MMP26: variants seen among roughly 807,000 people sequenced by gnomAD.
MMP26 encodes matrix metalloproteinase-26.
A neutral mutation model predicts 31.0 loss-of-function variants in MMP26; 33 were observed. The observed-to-expected ratio is 1.06, with a 90% CI of 0.81 to 1.42. The LOEUF (loss-of-function observed/expected upper bound fraction) is 1.42, where lower values mean the gene tolerates loss of function less well. MMP26 is among the 40% of genes most tolerant of loss of function. The probability of loss-of-function intolerance (pLI) is 0.00; values close to 1 mark genes in which losing one functional copy is unlikely to be tolerated. For synonymous variants in MMP26, 122 were observed against 114.9 expected (o/e 1.06, Z -0.40); for missense variants, 347 against 316.1 (o/e 1.10, Z -0.74).
intron 1 of MMP26, chr11:4,753,040 A>G (rs968478925): frequency 2.6e-5 from 4 of 152,106 alleles, no homozygotes; most frequent in African/African-American, 9.7e-5. Context: ...GAATTTTTAA[A>G]TTATTTTAGT....
At chr11:4,734,563 A>G (rs909997294) in intron 1 of MMP26, among the ~76,000 whole-genome samples, 3 of 152,072 alleles carry the variant, frequency 2.0e-5, no homozygotes, top group Non-Finnish European at 4.4e-5. Flanking sequence ...TTCATCCCAC[A>G]GGTTTTGGTA....
intron 2 of MMP26, among the ~76,000 whole-genome samples, chr11:4,962,346 A>G (rs1429140235): frequency 1.3e-5 from 2 of 152,216 alleles, no homozygotes; most frequent in Admixed American, 6.5e-5. Context: ...CTCTCACAAC[A>G]TTACTTAGAA....
At chr11:4,978,834 A>G (rs1232502489) in intron 2 of MMP26, among the ~76,000 whole-genome samples, 1 of 152,092 alleles carries the variant, frequency 6.6e-6, no homozygotes, top group African/African-American at 2.4e-5. Context: ...CAGGTCATAA[A>G]TTAGGAATAA....
At chr11:4,731,749 C>T (rs1051182910) in intron 1 of MMP26, among the ~76,000 whole-genome samples, 3 of 152,144 alleles carry the variant, frequency 2.0e-5, no homozygotes, top group Non-Finnish European at 4.4e-5. Flanking sequence ...TGGCTATTTC[C>T]TGTCAATTCA....
At chr11:4,885,444 T>C (rs1468968829) in intron 2 of MMP26, among the ~76,000 whole-genome samples, 1 of 152,120 alleles carries the variant, frequency 6.6e-6, no homozygotes, top group Non-Finnish European at 1.5e-5. Flanking sequence ...CAAACACAAA[T>C]ACTTAACTGT....
chr11:4,881,096 AT>A (rs1850454844), intron 2 of MMP26, among the ~76,000 whole-genome samples: 1 of 152,158 alleles, frequency 6.6e-6, no homozygotes, highest in African/African-American at 2.4e-5. Context: ...TTAGCCAGCA[AT>A]GTTGAGAAAA....
At chr11:4,963,688 A>G (rs1238592376) in intron 2 of MMP26, among the ~76,000 whole-genome samples, 1 of 152,146 alleles carries the variant, frequency 6.6e-6, no homozygotes, top group Non-Finnish European at 1.5e-5. Flanking sequence ...TGAAAGATTG[A>G]TACACTGTCT....
intron 2 of MMP26, among the ~76,000 whole-genome samples, chr11:4,810,277 GAT>G (rs1849332584): frequency 1.3e-5 from 2 of 149,752 alleles, no homozygotes; most frequent in Non-Finnish European, 3.0e-5. Flanking sequence ...TAATTCAGGG[GAT>G]ATTTTGTACA....
intron 1 of MMP26, among the ~76,000 whole-genome samples, chr11:4,762,271 C>A (rs895085474): frequency 3.3e-5 from 5 of 152,052 alleles, no homozygotes; most frequent in African/African-American, 1.2e-4. Flanking sequence ...TCATTTTATC[C>A]AAATTTGTTT....
chr11:4,796,668 G>A (rs1157022008), intron 2 of MMP26, among the ~76,000 whole-genome samples: 1 of 152,148 alleles, frequency 6.6e-6, no homozygotes, highest in African/African-American at 2.4e-5. Context: ...TGAGAAGAGA[G>A]GAAATAGAGA....
chr11:4,977,372 G>A (rs554153971), intron 2 of MMP26, among the ~76,000 whole-genome samples: 2 of 152,222 alleles, frequency 1.3e-5, no homozygotes, highest in South Asian at 2.1e-4. Context: ...TCCCACTTCA[G>A]AATTGTCCTG....
At chr11:4,803,481 T>C in intron 2 of MMP26, 3 of 1,613,850 alleles carry the variant, frequency 1.9e-6, no homozygotes, top group Non-Finnish European at 2.5e-6. Context: ...CCCCGATCTG[T>C]TTGGTTCTAA....
chr11:4,711,968 G>C (rs1261598030), intron 1 of MMP26: 1 of 151,894 alleles, frequency 6.6e-6, no homozygotes, highest in African/African-American at 2.4e-5. Flanking sequence ...ATTCTTTCAG[G>C]TGCTGTTAAT....
chr11:4,914,539 A>G, intron 2 of MMP26: 1 of 538,476 alleles, frequency 1.9e-6, no homozygotes, highest in Non-Finnish European at 3.3e-6. Flanking sequence ...ATCATATTAC[A>G]TTTTACCCCC....
intron 1 of MMP26, chr11:4,752,321 CAGATAGGAGAGCAAGATAA>C (rs1848456200): frequency 6.6e-6 from 1 of 152,194 alleles, no homozygotes. Flanking sequence ...GAATGATCAG[CAGATAGGAGAGCAAGATAA>C]AGATGGAGTC....
At chr11:4,847,283 A>C (rs1849885234) in intron 2 of MMP26, among the ~76,000 whole-genome samples, 1 of 152,188 alleles carries the variant, frequency 6.6e-6, no homozygotes, top group Non-Finnish European at 1.5e-5. Context: ...GTGAATGTAT[A>C]CTGCTGCTAC....
intron 2 of MMP26, among the ~76,000 whole-genome samples, chr11:4,811,403 T>C (rs1469747477): frequency 1.3e-5 from 2 of 152,192 alleles, no homozygotes; most frequent in Admixed American, 1.3e-4. Context: ...CCCTTCTTTG[T>C]GTCCATGTGT....
rs542518591 is a variant in MMP26, at chr11:4,764,599, A to G, written c.-216-2671A>G. ...GTACAAAGAATACTGGGCAGGGCGCAGTGGTTCACGCCTGTAATCCCAGCA... is the reference window on the plus strand; with the variant it reads ...GTACAAAGAATACTGGGCAGGGCGCGGTGGTTCACGCCTGTAATCCCAGCA... On this transcript the variant is annotated intron_variant, in intron 1 of 7. Coordinates refer to ENST00000380390, the MANE Select transcript of MMP26 (RefSeq NM_021801.5). 3.3e-4 allele frequency among the ~76,000 whole-genome samples: 50 copies of G among 152,332 alleles called. 1 individual carries two copies. In the South Asian group the frequency reaches 8.9e-3, roughly 27 times the overall value.
intron 2 of MMP26, among the ~76,000 whole-genome samples, chr11:4,980,498 T>A (rs1388142965): frequency 6.6e-6 from 1 of 151,724 alleles, no homozygotes; most frequent in East Asian, 1.9e-4. Context: ...GAAAACAAAA[T>A]AAAACATAAA....
Sources: gnomAD v4.1 joint callset for allele counts (sites outside exome capture counted in the v4.1 genomes callset) on GRCh38, gnomAD v4.1.1 for gene constraint, MANE v1.5 for transcripts, NCBI Gene and HGNC (gene_info 2026-07-23, HGNC 2026-07-21) for gene names.